The following ABAT variants were observed in gnomAD, a reference collection of about 807,000 sequenced individuals.
ABAT encodes the protein 4-aminobutyrate aminotransferase, mitochondrial.
ABAT carries 45 observed loss-of-function variants against 64.6 expected under a neutral mutation model. That is an observed-to-expected ratio of 0.70 (90% CI 0.55 to 0.89). ABAT has a LOEUF of 0.89. ABAT is among the 40% of genes least tolerant of loss of function. ABAT has a pLI of 0.00. For synonymous variants in ABAT, 297 were observed against 250.5 expected (o/e 1.19, Z -1.75); for missense variants, 633 against 658.4 (o/e 0.96, Z 0.42).
Position 8,716,415 on chromosome 16 carries a change from G to C in ABAT, c.-41-19284G>C, listed in dbSNP as rs573336985. Among the ~76,000 whole-genome samples the C allele has an allele frequency of 9.9e-5, 15 of 152,280 alleles. No individual in the cohort carries two copies. The South Asian group carries it at 2.5e-3, about 25-fold the overall frequency. On this transcript the variant is annotated intron_variant, in intron 1 of 15. Coordinates refer to ENST00000268251, the MANE Select transcript of ABAT (RefSeq NM_020686.6). ...AGTAAGCGCTGAGCAAGTGTCTGCT[G>C]TTGCTGCTGCTAATTGTATTTGTTG... is the stretch of plus-strand genomic sequence containing the variant.
intron 2 of ABAT, among the ~76,000 whole-genome samples, chr16:8,738,264 T>A (rs1348929395): frequency 6.6e-6 from 1 of 151,964 alleles, no homozygotes; most frequent in Non-Finnish European, 1.5e-5. Context: ...GAGGCTGCAG[T>A]GAGCCATGAT....
intron 14 of ABAT, among the ~76,000 whole-genome samples, chr16:8,777,423 A>G (rs896213000): frequency 6.6e-6 from 1 of 152,120 alleles, no homozygotes; most frequent in Non-Finnish European, 1.5e-5. Flanking sequence ...CAGCCATCGC[A>G]TCTCAATTCC....
At chr16:8,745,473 G>A (rs1445775970) in intron 2 of ABAT, among the ~76,000 whole-genome samples, 1 of 152,104 alleles carries the variant, frequency 6.6e-6, no homozygotes, top group South Asian at 2.1e-4. Context: ...AAGGCAGGTG[G>A]ATTGCTTGAG....
intron 5 of ABAT, among the ~76,000 whole-genome samples, chr16:8,756,438 T>C (rs565784182): frequency 6.6e-6 from 1 of 152,332 alleles, no homozygotes; most frequent in South Asian, 2.1e-4. Context: ...AAGGGATACA[T>C]GTGTAGAACC....
intron 2 of ABAT, among the ~76,000 whole-genome samples, chr16:8,742,881 A>G (rs1207920650): frequency 6.6e-6 from 1 of 150,618 alleles, no homozygotes; most frequent in African/African-American, 2.4e-5. Flanking sequence ...AAAAAAAAAA[A>G]AAAAAGTAGC....
chr16:8,761,992 CT>C (rs1443320752), intron 6 of ABAT, among the ~76,000 whole-genome samples: 5 of 147,324 alleles, frequency 3.4e-5, no homozygotes, highest in East Asian at 2.0e-4. Flanking sequence ...TCTCCTTCTC[CT>C]TCTCCTTCTT....
rs914873997 is a variant in ABAT, at chr16:8,781,170, G to A, written c.1382-139G>A. The A allele has an allele frequency of 7.2e-5, 99 of 1,383,458 alleles. No individual in the cohort carries two copies. Among genetic ancestry groups the A allele is most frequent in the Non-Finnish European group, 9.5e-5 (93 of 980,310 alleles). 85.7% of individuals were successfully genotyped at this position (1,383,458 alleles called of 1,614,324 possible). ...TGGGTGGGTGGTAGGAAGGAAGCCC[G>A]GGCTTCCATGATGGAGGATGATGGA... On this transcript the variant is annotated intron_variant, in intron 15 of 15. Coordinates refer to ENST00000268251, the MANE Select transcript of ABAT (RefSeq NM_020686.6). The surrounding 1 kb of genome is among the most constrained non-coding windows in gnomAD (Gnocchi z 4.5).
At chr16:8,728,603 C>T (rs1447187251) in intron 1 of ABAT, among the ~76,000 whole-genome samples, 1 of 152,144 alleles carries the variant, frequency 6.6e-6, no homozygotes, top group Non-Finnish European at 1.5e-5. Flanking sequence ...GGGCCATGCA[C>T]AGTGGCTCAC....
intron 1 of ABAT, among the ~76,000 whole-genome samples, chr16:8,721,786 C>G (rs1187142618): frequency 6.6e-6 from 1 of 152,206 alleles, no homozygotes; most frequent in Non-Finnish European, 1.5e-5. Context: ...GGCCTCTTAG[C>G]TCATCTCGCC....
chr16:8,757,054 C>A (rs950107108), intron 5 of ABAT: 32 of 420,798 alleles, frequency 7.6e-5, no homozygotes, highest in African/African-American at 6.7e-4. Flanking sequence ...TTTGACTCAG[C>A]CCATGGGCGC....
intron 2 of ABAT, among the ~76,000 whole-genome samples, chr16:8,742,879 A>AAG (rs1483631807): frequency 6.6e-6 from 1 of 150,540 alleles, no homozygotes; most frequent in African/African-American, 2.4e-5. Flanking sequence ...AAAAAAAAAA[A>AAG]AAAAAAAGTA....
intron 1 of ABAT, among the ~76,000 whole-genome samples, chr16:8,711,302 C>T (rs779012145): frequency 1.6e-4 from 25 of 152,154 alleles, no homozygotes; most frequent in Non-Finnish European, 2.5e-4. Context: ...GCTGGGAGGC[C>T]GTCAGGAGGT....
At chr16:8,780,114 T>C (rs2060389445) in intron 15 of ABAT, among the ~76,000 whole-genome samples, 1 of 151,348 alleles carries the variant, frequency 6.6e-6, no homozygotes, top group African/African-American at 2.4e-5. Flanking sequence ...GAGGGAAGGG[T>C]GCATGCGATG....
chr16:8,778,931 G>A (rs1291914644), intron 14 of ABAT, among the ~76,000 whole-genome samples: 7 of 152,128 alleles, frequency 4.6e-5, no homozygotes, highest in African/African-American at 1.7e-4. Flanking sequence ...AATTTAGGGG[G>A]CAGTGGGAGG....
intron 12 of ABAT, 92 bp from the exon 13 acceptor site, chr16:8,774,798 C>T (rs1020495681): frequency 1.9e-5 from 28 of 1,505,582 alleles, no homozygotes; most frequent in Admixed American, 3.4e-5. Context: ...TGTGTGTGGA[C>T]CCAGGGTTTG....
chr16:8,749,174 G>C (rs541579495), intron 4 of ABAT, among the ~76,000 whole-genome samples: 89 of 150,064 alleles, frequency 5.9e-4, no homozygotes, highest in African/African-American at 2.1e-3. Flanking sequence ...AGCAACCTCT[G>C]CCTTCCGGTT....
At chr16:8,733,021 G>A (rs1484959837) in intron 1 of ABAT, among the ~76,000 whole-genome samples, 7 of 148,286 alleles carry the variant, frequency 4.7e-5, no homozygotes, top group Admixed American at 1.3e-4. Context: ...TGGCCTGGCA[G>A]GGGGCTGATC....
At chr16:8,730,054 C>T (rs1057035536) in intron 1 of ABAT, among the ~76,000 whole-genome samples, 6 of 152,156 alleles carry the variant, frequency 3.9e-5, no homozygotes, top group Admixed American at 6.5e-5. Flanking sequence ...GTGATAGTAC[C>T]TCAGTTGCCT....
At chr16:8,740,736 T>C (rs936188410) in intron 2 of ABAT, among the ~76,000 whole-genome samples, 14 of 152,230 alleles carry the variant, frequency 9.2e-5, no homozygotes, top group African/African-American at 3.4e-4. Flanking sequence ...TGTTGGTAAA[T>C]AGAATACAGA....
Sources: gnomAD v4.1 joint callset for allele counts (sites outside exome capture counted in the v4.1 genomes callset) on GRCh38, gnomAD v4.1.1 for gene constraint, Gnocchi (gnomAD v3.1) non-coding constraint, MANE v1.5 for transcripts, NCBI Gene and HGNC (gene_info 2026-07-23, HGNC 2026-07-21) for gene names.